Variants in KCNK6 observed in about 807,000 individuals in gnomAD.
KCNK6 encodes potassium two pore domain channel subfamily K member 6.
Under a neutral mutation model 21.9 loss-of-function variants are expected in KCNK6, and 20 were observed. That is an observed-to-expected ratio of 0.91 (90% CI 0.64 to 1.32). KCNK6 has a LOEUF of 1.32. Among genes scored for constraint, KCNK6 ranks in the 40% most tolerant of loss-of-function variants. The pLI, the probability that KCNK6 is intolerant of heterozygous loss-of-function variation, is 0.00. For missense variants in KCNK6, 415 were observed against 433.1 expected (o/e 0.96, Z 0.37); for synonymous variants, 210 against 218.0 (o/e 0.96, Z 0.32).
In KCNK6 at chr19:38,326,684, G is replaced by A. The variant is rs760821743; in HGVS notation, c.414G>A (p.Leu138=). 2 of 1,606,938 alleles carry A rather than the reference G, an allele frequency of 1.2e-6. No individual in the cohort carries two copies. Among genetic ancestry groups the A allele is most frequent in the South Asian group, 2.2e-5 (2 of 91,078 alleles). ...GCGTGCCGACCACCATGCTGCTGCTGACCGCCTCAGCCCAGCGCCTGTCAC... is the reference window on the plus strand; with the variant it reads ...GCGTGCCGACCACCATGCTGCTGCTAACCGCCTCAGCCCAGCGCCTGTCAC... ...LLGVPTTMLL[L]TASAQRLSLL... is the part of the protein sequence containing the mutation. The change falls in exon 2 of 3, where the codon CTG becomes CTA. Residue 138 remains leucine, a synonymous_variant. Transcript: ENST00000263372.
chr19:38,326,749 G>A lies in KCNK6; in HGVS notation c.479G>A (p.Arg160His), dbSNP rs773187603. The A allele has an allele frequency of 1.6e-5, 25 of 1,604,346 alleles. 1 individual carries two copies. The highest frequency in any genetic ancestry group is 1.3e-4 in the African/African-American group (10 of 74,928). The change falls in exon 2 of 3, where the codon CGT becomes CAT. Residue 160 changes from arginine to histidine, a missense_variant. By Grantham distance (29) the Arg-to-His change is conservative. Coordinates refer to ENST00000263372, the MANE Select transcript of KCNK6 (RefSeq NM_004823.3). ...GTGCCCCTGTCTTGGCTGAGCATGC[G>A]TTGGGGCTGGGACCCCCGGCGGGCG... ...THVPLSWLSM[R>H]WGWDPRRAAC...
chr19:38,325,695 G>A (rs1969700342), intron 1 of KCNK6: 1 of 227,856 alleles, frequency 4.4e-6, no homozygotes, highest in South Asian at 1.6e-4. Context: ...GTGACATTTG[G>A]ATGAAGAAGA....
rs117874502 is a variant in KCNK6 at position 38,323,442 on chromosome 19, C to G, written c.323-3151C>G. ...TTGGCCCTGGAATTGATCTGGGCAG[C>G]CTTGCTGCACTTGAGGCAGGAGGAA... On this transcript the variant is annotated intron_variant, in intron 1 of 2. Transcript: ENST00000263372. Among the ~76,000 whole-genome samples the G allele has an allele frequency of 3.1e-4, 47 of 152,290 alleles. 1 individual carries two copies. The East Asian group carries it at 8.9e-3, about 29-fold the overall frequency.
In KCNK6 at chr19:38,326,738, G is replaced by A. The variant is rs748672059; in HGVS notation, c.468G>A (p.Trp156Ter). The change falls in exon 2 of 3, where the codon TGG (tryptophan) becomes TGA (stop). Residue 156 changes from tryptophan to a stop codon, truncating the protein, a stop_gained. Coordinates refer to ENST00000263372, the MANE Select transcript of KCNK6 (RefSeq NM_004823.3). LOFTEE classifies it high-confidence loss of function. ...SLLLTHVPLSWLSMRWGWDPR... is the reference protein window; with the variant it reads ...SLLLTHVPLS ...TGCTGACTCACGTGCCCCTGTCTTG[G>A]CTGAGCATGCGTTGGGGCTGGGACC... 5 of 1,604,382 alleles carry A rather than the reference G, an allele frequency of 3.1e-6. No homozygotes were observed. The African/African-American group carries it at 6.7e-5, about 21-fold the overall frequency.
chr19:38,325,642 A>C, intron 1 of KCNK6: 4 of 632,108 alleles, frequency 6.3e-6, no homozygotes, highest in Non-Finnish European at 7.9e-6. Flanking sequence ...GGGTAAGAGG[A>C]TGTTACCATT....
In KCNK6 at chr19:38,330,284, CA is replaced by C. The variant is rs554544945; in HGVS notation, c.*2882del. 2.6e-5 allele frequency: 4 copies of C among 151,024 alleles called. No homozygotes were observed. The South Asian group carries it at 6.3e-4, about 24-fold the overall frequency. The allele number at this position is 151,024 out of a possible 1,614,324, so 9.4% of individuals were successfully genotyped here. ...TGGCGGCTGCAGTGGGCCGAGATCA[CA>C]CCACTGTACTCCAGCCTGGGCGAAA... On this transcript the variant is annotated 3_prime_UTR_variant, in exon 3 of 3. Coordinates refer to ENST00000263372, the MANE Select transcript of KCNK6 (RefSeq NM_004823.3).
At position 38,326,994 on chromosome 19, in the gene KCNK6, C is replaced by A; in HGVS notation, c.718+6C>A. 1 of 1,593,420 alleles carries A rather than the reference C, an allele frequency of 6.3e-7. No individual in the cohort carries two copies. The highest frequency in any genetic ancestry group is 1.1e-5 in the South Asian group (1 of 89,950). Reference sequence around the variant, plus strand: ...CTACAAGGTGCTGGTCACAGGTGAGCTGGGTGGCTAGGGCAGGGCTTTGAG... The same window carrying A: ...CTACAAGGTGCTGGTCACAGGTGAGATGGGTGGCTAGGGCAGGGCTTTGAG... On this transcript the variant is annotated splice_donor_region_variant and intron_variant, in intron 2 of 2. Transcript: ENST00000263372.
Position 38,331,821 on chromosome 19 carries a change from AAT to A in KCNK6, c.*4421_*4422del, listed in dbSNP as rs1474701785. The A allele has an allele frequency of 2.0e-5, 3 of 152,194 alleles. No homozygotes were observed. Among genetic ancestry groups the A allele is most frequent in the African/African-American group, 7.2e-5 (3 of 41,446 alleles). The allele number at this position is 152,194 out of a possible 1,614,324, so 9.4% of individuals were successfully genotyped here. On this transcript the variant is annotated 3_prime_UTR_variant, in exon 3 of 3. Transcript: ENST00000263372. ...TTTTCACTCTACACAAGTAGTACCTAATATGGTGAGGTTGTTATGATTACAGA... is the reference window on the plus strand; with the variant it reads ...TTTTCACTCTACACAAGTAGTACCTAATGGTGAGGTTGTTATGATTACAGA...
At position 38,327,731 on chromosome 19, in the gene KCNK6, T is replaced by C. The variant is rs1407449512; in HGVS notation, c.*328T>C. The C allele has an allele frequency of 2.7e-6, 1 of 366,566 alleles. No homozygotes were observed. The highest frequency in any genetic ancestry group is 2.1e-5 in the African/African-American group (1 of 48,196). 22.7% of individuals were successfully genotyped at this position (366,566 alleles called of 1,614,324 possible). A position where few individuals can be genotyped will look rare whatever the true frequency, so the allele number is the denominator to read the frequency against. On this transcript the variant is annotated 3_prime_UTR_variant, in exon 3 of 3. Transcript: ENST00000263372. ...TGTCTCTGTTTCTCATTCTCTTTCA[T>C]GTTCCGTCTGTGTCTCTCAATTAAC...
chr19:38,320,310 G>C, intron 1 of KCNK6, 38 bp downstream of exon 1: 1 of 1,599,160 alleles, frequency 6.3e-7, no homozygotes, highest in Admixed American at 1.7e-5. Context: ...CGAGGACCCG[G>C]GATCCCCACT....
In KCNK6 at chr19:38,327,612, A is replaced by G; in HGVS notation, c.*209A>G. The G allele has an allele frequency of 3.4e-6, 2 of 595,800 alleles. No individual in the cohort carries two copies. The highest frequency in any genetic ancestry group is 2.0e-5 in the South Asian group (1 of 50,446). The allele number at this position is 595,800 out of a possible 1,614,324, so 36.9% of individuals were successfully genotyped here. On this transcript the variant is annotated 3_prime_UTR_variant, in exon 3 of 3. Coordinates refer to ENST00000263372, the MANE Select transcript of KCNK6 (RefSeq NM_004823.3). ...ATGTCCCGGGCTCCACTGGGCACCA[A>G]CATAACCTTGTTCTCTGTCCTTTCT...
chr19:38,327,463 C>T lies in KCNK6; in HGVS notation c.*60C>T. On this transcript the variant is annotated 3_prime_UTR_variant, in exon 3 of 3. Transcript: ENST00000263372. ...GCCTGGGACTGAGGGGTCCAGGCGA[C>T]CAGAGCTGGCTGTACAGGAATGTCC... The T allele has an allele frequency of 1.3e-6, 2 of 1,486,060 alleles. No individual in the cohort carries two copies. The highest frequency in any genetic ancestry group is 1.8e-6 in the Non-Finnish European group (2 of 1,087,488). 92.1% of individuals were successfully genotyped at this position (1,486,060 alleles called of 1,614,324 possible). A position where few individuals can be genotyped will look rare whatever the true frequency, so the allele number is the denominator to read the frequency against.
chr19:38,321,609 C>A (rs752233411), intron 1 of KCNK6, among the ~76,000 whole-genome samples: 2 of 152,246 alleles, frequency 1.3e-5, no homozygotes, highest in Non-Finnish European at 2.9e-5. Context: ...CTCTTTGTTT[C>A]TTTGTTGGGG....
At chr19:38,322,708 G>T (rs1267109146) in intron 1 of KCNK6, among the ~76,000 whole-genome samples, 1 of 152,010 alleles carries the variant, frequency 6.6e-6, no homozygotes, top group African/African-American at 2.4e-5. Context: ...CCAGCTACTC[G>T]GGAGGCTGAG....
chr19:38,325,054 G>T (rs1969693012), intron 1 of KCNK6: 1 of 151,028 alleles, frequency 6.6e-6, no homozygotes, highest in African/African-American at 2.4e-5. Context: ...TACGAGGCTG[G>T]CCATGCCATG....
intron 1 of KCNK6, among the ~76,000 whole-genome samples, chr19:38,323,021 G>A (rs139817092): frequency 1.3e-5 from 2 of 152,182 alleles, no homozygotes; most frequent in Admixed American, 1.3e-4. Context: ...GCTGAGGCAG[G>A]AGGATCACTT....
intron 1 of KCNK6, among the ~76,000 whole-genome samples, chr19:38,324,798 C>T (rs1382658017): frequency 6.6e-6 from 1 of 152,076 alleles, no homozygotes; most frequent in Non-Finnish European, 1.5e-5. Context: ...TCCTATGTTA[C>T]CCAGGCTGGT....
chr19:38,326,930 C>A lies in KCNK6; in HGVS notation c.660C>A (p.Tyr220Ter). 6.2e-7 allele frequency: 1 copy of A among 1,609,694 alleles called. No homozygotes were observed. Among genetic ancestry groups the A allele is most frequent in the Non-Finnish European group, 8.5e-7 (1 of 1,179,988 alleles). The change falls in exon 2 of 3, where the codon TAC becomes TAA. Residue 220 changes from tyrosine to a stop codon, truncating the protein, a stop_gained. Coordinates refer to ENST00000263372, the MANE Select transcript of KCNK6 (RefSeq NM_004823.3). LOFTEE classifies it high-confidence loss of function. ...TGTCCACCATCGGCCTGGGCGACTACGTGCCCGGGGAGGCCCCTGGCCAGC... is the reference window on the plus strand; with the variant it reads ...TGTCCACCATCGGCCTGGGCGACTAAGTGCCCGGGGAGGCCCCTGGCCAGC... ...ISLSTIGLGD[Y>*]VPGEAPGQPY...
rs1388849140 is a variant in KCNK6 at position 38,320,046 on chromosome 19, C to A, written c.96C>A (p.His32Gln). The change falls in exon 1 of 3, where the codon CAC (histidine) becomes CAA (glutamine). Residue 32 changes from histidine (H) to glutamine (Q), a missense_variant. Physicochemically the swap from His to Gln is conservative, Grantham distance 24. Coordinates refer to ENST00000263372, the MANE Select transcript of KCNK6 (RefSeq NM_004823.3). The part of the protein sequence containing the change: ...ALLVARLEGP[H>Q]EARLRAELET... ...TGGTGGCGCGGCTGGAGGGGCCGCA[C>A]GAAGCCAGGCTCCGAGCCGAGCTGG... 2.7e-6 allele frequency: 4 copies of A among 1,503,596 alleles called. No homozygotes were observed. Among genetic ancestry groups the A allele is most frequent in the Non-Finnish European group, 2.6e-6 (3 of 1,134,672 alleles). The allele number at this position is 1,503,596 out of a possible 1,614,324, so 93.1% of individuals were successfully genotyped here.
Sources: gnomAD v4.1 joint callset for allele counts (sites outside exome capture counted in the v4.1 genomes callset) on GRCh38, gnomAD v4.1.1 for gene constraint, MANE v1.5 for transcripts, NCBI Gene and HGNC (gene_info 2026-07-23, HGNC 2026-07-21) for gene names.